The following THTPA variants were observed in gnomAD, a reference collection of about 807,000 sequenced individuals.
THTPA encodes thiamine-triphosphatase.
In THTPA, 16 loss-of-function variants were observed where a neutral mutation model predicts 16.5. The ratio of observed to expected loss-of-function variants is 0.97; its 90% CI spans 0.66 to 1.47. The LOEUF (loss-of-function observed/expected upper bound fraction) is 1.47. Ranked by LOEUF, THTPA falls within the 40% of genes most tolerant of loss-of-function variation. THTPA has a pLI of 0.00. For missense variants in THTPA, 281 were observed against 280.9 expected, an observed-to-expected ratio of 1.00 and a Z score of 0.00; for synonymous variants, 110 against 115.5, an observed-to-expected ratio of 0.95 and a Z score of 0.30.
chr14:23,522,795 G>T, the THTPA span: 1 of 1,536,344 alleles, frequency 6.5e-7, no homozygotes, highest in Non-Finnish European at 8.7e-7. Context: ...CCTGGGACAG[G>T]GTCAGTGGTG....
chr14:23,532,037 A>C, the THTPA span: 6 of 196,580 alleles, frequency 3.1e-5, no homozygotes, highest in Admixed American at 3.0e-4. Context: ...CGGCCTCCCA[A>C]AGTGCCGGGA....
the THTPA span, chr14:23,526,983 GA>G: frequency 6.7e-7 from 1 of 1,498,728 alleles, no homozygotes; most frequent in Non-Finnish European, 8.9e-7. Context: ...CCTGCAATGA[GA>G]AAAAGCCTAG....
At chr14:23,534,050 T>C in the THTPA span, 5 of 1,531,988 alleles carry the variant, frequency 3.3e-6, no homozygotes, top group Admixed American at 5.9e-5. The surrounding 1 kb of genome is among the most constrained non-coding windows in gnomAD (Gnocchi z 4.5). Flanking sequence ...GGGGCTGGGG[T>C]GTAGTCATCA....
At chr14:23,549,646 A>C in the THTPA span, among the ~76,000 whole-genome samples, 2 of 152,212 alleles carry the variant, frequency 1.3e-5, no homozygotes, top group Non-Finnish European at 2.9e-5. Flanking sequence ...AATGAACTGA[A>C]GGATGGGGGG....
the THTPA span, among the ~76,000 whole-genome samples, chr14:23,519,742 C>G: frequency 6.6e-6 from 1 of 152,150 alleles, no homozygotes; most frequent in Non-Finnish European, 1.5e-5. Flanking sequence ...TTTTCTGTCC[C>G]CTCCCATTCT....
chr14:23,528,846 C>T, the THTPA span: 1 of 985,190 alleles, frequency 1.0e-6, no homozygotes, highest in East Asian at 1.1e-4. Context: ...GACTGCCAGA[C>T]CTACCCAGCC....
At chr14:23,530,197 G>A in the THTPA span, 2 of 1,530,144 alleles carry the variant, frequency 1.3e-6, no homozygotes, top group Non-Finnish European at 1.8e-6. Context: ...AGCCTTCCCT[G>A]TGTAGGATGG....
chr14:23,518,192 T>C, the THTPA span, among the ~76,000 whole-genome samples: 1 of 152,324 alleles, frequency 6.6e-6, no homozygotes, highest in East Asian at 1.9e-4. The surrounding 1 kb of genome is among the most constrained non-coding windows in gnomAD (Gnocchi z 4.5). Context: ...TGTAGTTATA[T>C]ATATGGAGCT....
chr14:23,521,108 C>T, the THTPA span: 2 of 152,106 alleles, frequency 1.3e-5, no homozygotes, highest in South Asian at 2.1e-4. Flanking sequence ...GGCCCACGGC[C>T]GCTGAGAGGA....
the THTPA span, among the ~76,000 whole-genome samples, chr14:23,539,691 G>T: frequency 1.1e-3 from 174 of 152,286 alleles, no homozygotes; most frequent in Non-Finnish European, 2.1e-3. Flanking sequence ...GACCAGGGGT[G>T]CTTCCTCCCA....
chr14:23,525,531 G>T, the THTPA span: 7 of 1,535,544 alleles, frequency 4.6e-6, no homozygotes, highest in South Asian at 1.2e-5. This position sits in a 1 kb window ranked among gnomAD's most constrained non-coding sequence, Gnocchi z 5.9. Flanking sequence ...AGGGCCTCAG[G>T]TGGGGGTGGG....
At chr14:23,541,295 T>C in the THTPA span, among the ~76,000 whole-genome samples, 4 of 151,566 alleles carry the variant, frequency 2.6e-5, no homozygotes, top group South Asian at 8.3e-4. Context: ...GGATTTTTTT[T>C]TTTTTTTTTT....
the THTPA span, among the ~76,000 whole-genome samples, chr14:23,527,192 A>C: frequency 3.9e-5 from 6 of 152,028 alleles, no homozygotes; most frequent in African/African-American, 1.5e-4. Context: ...CCCAAACCAG[A>C]AGTCATCATT....
At chr14:23,527,742 T>C in the THTPA span, 6 of 1,535,498 alleles carry the variant, frequency 3.9e-6, no homozygotes, top group Non-Finnish European at 4.4e-6. Context: ...GCTGGGAGAG[T>C]GTATGAGCCC....
the THTPA span, chr14:23,529,356 A>G: frequency 3.9e-6 from 1 of 257,478 alleles, no homozygotes; most frequent in Non-Finnish European, 7.5e-6. Context: ...GCTCCTAACT[A>G]AGGGATAAAG....
the THTPA span, chr14:23,526,470 G>A: frequency 8.7e-5 from 133 of 1,536,150 alleles, 1 homozygote; most frequent in African/African-American, 1.6e-3. Flanking sequence ...TCTGCAGAGC[G>A]GAGCTCCCCA....
the THTPA span, among the ~76,000 whole-genome samples, chr14:23,549,498 C>T: frequency 6.6e-6 from 1 of 152,006 alleles, no homozygotes; most frequent in African/African-American, 2.4e-5. Flanking sequence ...GAACTTGGCT[C>T]CTTACATACG....
chr14:23,524,745 C>A, the THTPA span: 1 of 1,536,338 alleles, frequency 6.5e-7, no homozygotes, highest in Non-Finnish European at 8.7e-7. The surrounding 1 kb of genome is among the most constrained non-coding windows in gnomAD (Gnocchi z 5.6). Context: ...GGTAATGGGC[C>A]CTCAGGCCCT....
the THTPA span, chr14:23,534,768 T>C: frequency 6.5e-7 from 1 of 1,536,064 alleles, no homozygotes; most frequent in Admixed American, 2.0e-5. The surrounding 1 kb of genome is among the most constrained non-coding windows in gnomAD (Gnocchi z 4.5). Flanking sequence ...GGGACAGAAT[T>C]TGGTCAGAAG....
Sources: allele counts gnomAD v4.1 joint callset (sites outside exome capture counted in the v4.1 genomes callset), GRCh38; gene constraint gnomAD v4.1.1; non-coding constraint Gnocchi (gnomAD v3.1); transcripts MANE v1.5; gene names NCBI Gene and HGNC (gene_info 2026-07-23, HGNC 2026-07-21).